Variants in TMPRSS11A observed in about 807,000 individuals in gnomAD.
The protein encoded by TMPRSS11A is transmembrane protease serine 11A.
In TMPRSS11A, 53 loss-of-function variants were observed where a neutral mutation model predicts 58.9. The observed-to-expected ratio is 0.90, with a 90% CI of 0.72 to 1.13. The LOEUF is 1.13. TMPRSS11A is among the 50% of genes most tolerant of loss of function. The probability of loss-of-function intolerance (pLI) is 0.00; values close to 1 mark genes in which losing one functional copy is unlikely to be tolerated. For synonymous variants in TMPRSS11A, 167 were observed against 169.8 expected (o/e 0.98, Z 0.13); for missense variants, 493 against 499.3 (o/e 0.99, Z 0.12).
intron 1 of TMPRSS11A, among the ~76,000 whole-genome samples, chr4:67,960,370 T>C (rs1235505036): frequency 6.6e-6 from 1 of 152,188 alleles, no homozygotes; most frequent in Non-Finnish European, 1.5e-5. Flanking sequence ...CAAGTTACCC[T>C]ATTCGTTAAA....
Position 67,944,573 on chromosome 4 carries a change from G to A in TMPRSS11A, c.198C>T (p.Phe66=), listed in dbSNP as rs572862011. 15 of 1,612,768 alleles carry A rather than the reference G, an allele frequency of 9.3e-6. No homozygotes were observed. Among genetic ancestry groups the A allele is most frequent in the African/African-American group, 5.3e-5 (4 of 74,976 alleles). Residue 66 remains phenylalanine, a synonymous_variant, in exon 3 of 10, where the codon TTC becomes TTT. Coordinates refer to ENST00000508048, the MANE Select transcript of TMPRSS11A (RefSeq NM_001114387.2). ...TAAGTTGATATGTGTTGCTTTGTCC[G>A]AAATTGTTATTGATTTGTGGATCTA... ...KILDPQINNN[F]GQSNTYQLKD... is the part of the protein sequence containing the mutation.
chr4:67,911,278 A>G lies in TMPRSS11A; in HGVS notation c.*64T>C. On this transcript the variant is annotated 3_prime_UTR_variant, in exon 10 of 10. Coordinates refer to ENST00000508048, the MANE Select transcript of TMPRSS11A (RefSeq NM_001114387.2). ...CACTTTGTTGTACTACACCCACTAAATAGTTGAATTCTCATGCATATATGA... is the reference window on the plus strand; with the variant it reads ...CACTTTGTTGTACTACACCCACTAAGTAGTTGAATTCTCATGCATATATGA... 1 of 1,466,582 alleles carries G rather than the reference A, an allele frequency of 6.8e-7. No homozygotes were observed. The highest frequency in any genetic ancestry group is 9.4e-7 in the Non-Finnish European group (1 of 1,063,664). 90.8% of individuals were successfully genotyped at this position (1,466,582 alleles called of 1,614,324 possible).
intron 2 of TMPRSS11A, 55 bp from the exon 3 acceptor site, chr4:67,944,692 C>T: frequency 1.3e-6 from 2 of 1,513,654 alleles, no homozygotes; most frequent in Non-Finnish European, 9.0e-7. Flanking sequence ...GATTTCAGAA[C>T]TCAATTACAA....
chr4:67,914,494 T>C (rs1720092425), intron 9 of TMPRSS11A, 94 bp downstream of exon 9: 2 of 1,159,276 alleles, frequency 1.7e-6, no homozygotes, highest in Non-Finnish European at 2.5e-6. Flanking sequence ...TGACATGATA[T>C]CTATGTTTTG....
intron 3 of TMPRSS11A, among the ~76,000 whole-genome samples, chr4:67,932,771 T>G (rs1042684349): frequency 7.9e-5 from 12 of 152,216 alleles, no homozygotes; most frequent in African/African-American, 2.9e-4. Context: ...AATTGTGGAC[T>G]CTAGGGTAAA....
chr4:67,957,775 G>A (rs1721322776), intron 1 of TMPRSS11A, among the ~76,000 whole-genome samples: 1 of 152,164 alleles, frequency 6.6e-6, no homozygotes, highest in Non-Finnish European at 1.5e-5. Flanking sequence ...TGTCTCCAGG[G>A]CATGTCAGAG....
At chr4:67,920,550 T>TA (rs374550125) in intron 7 of TMPRSS11A, among the ~76,000 whole-genome samples, 591 of 58,490 alleles carry the variant, frequency 0.01, 3 homozygotes, top group African/African-American at 0.018. Context: ...TATATATATA[T>TA]TTTTTTTTAT....
rs762250264 is a variant in TMPRSS11A, at chr4:67,932,047, A to G, written c.266T>C (p.Phe89Ser). ...ATTTTTCTTCCAGGCTGAATCTATA[A>G]ATATCTCATCCACCTGTTACACAAC... is the stretch of plus-strand genomic sequence containing the variant. The part of the protein sequence containing the change: ...ETTENLVDEI[F>S]IDSAWKKNYI... The change falls in exon 4 of 10, where the codon TTT becomes TCT. Residue 89 changes from phenylalanine (F) to serine (S), a missense_variant. Physicochemically the swap from Phe to Ser is radical, Grantham distance 155 (BLOSUM62 -2). Transcript: ENST00000508048. The G allele has an allele frequency of 6.3e-7, 1 of 1,578,120 alleles. No homozygotes were observed. Among genetic ancestry groups the G allele is most frequent in the Non-Finnish European group, 8.7e-7 (1 of 1,147,644 alleles).
intron 4 of TMPRSS11A, among the ~76,000 whole-genome samples, chr4:67,930,831 C>CAAA (rs1165212348): frequency 1.2e-4 from 9 of 74,752 alleles, no homozygotes; most frequent in East Asian, 7.5e-4. Context: ...TTTTTTTTTA[C>CAAA]AAAAAAAAAA....
At chr4:67,952,403 G>T (rs898525565) in intron 1 of TMPRSS11A, among the ~76,000 whole-genome samples, 1 of 152,162 alleles carries the variant, frequency 6.6e-6, no homozygotes, top group Non-Finnish European at 1.5e-5. Flanking sequence ...AGCATAAAAG[G>T]TAAGTGAAAG....
In TMPRSS11A at chr4:67,919,093, C is replaced by T. The variant is rs748396646; in HGVS notation, c.832G>A (p.Val278Ile). The T allele has an allele frequency of 6.2e-7, 1 of 1,614,162 alleles. No individual in the cohort carries two copies. Among genetic ancestry groups the T allele is most frequent in the Non-Finnish European group, 8.5e-7 (1 of 1,180,020 alleles). Residue 278 changes from valine (V) to isoleucine (I), a missense_variant, in exon 8 of 10, where the codon GTC becomes ATC. Physicochemically the swap from Val to Ile is conservative, Grantham distance 29. Transcript: ENST00000508048. Reference protein sequence around the residue: ...AREYDIAVVQVSSRVTFSDDI... With the variant: ...AREYDIAVVQISSRVTFSDDI... The stretch of plus-strand genomic sequence containing the variant: ...TCCGAAAAGGTGACTCTGGAAGAGA[C>T]CTGCACAACAGCAATGTCGTACTCT...
At chr4:67,954,129 T>C (rs1173394993) in intron 1 of TMPRSS11A, among the ~76,000 whole-genome samples, 1 of 152,142 alleles carries the variant, frequency 6.6e-6, no homozygotes, top group Non-Finnish European at 1.5e-5. Flanking sequence ...AGAAAATACT[T>C]CATTTCCTCA....
chr4:67,934,216 G>A (rs903106408), intron 3 of TMPRSS11A, among the ~76,000 whole-genome samples: 3 of 152,140 alleles, frequency 2.0e-5, no homozygotes, highest in Non-Finnish European at 2.9e-5. Context: ...TGAGGACAAC[G>A]CTTTGAGAAA....
intron 3 of TMPRSS11A, among the ~76,000 whole-genome samples, chr4:67,935,711 A>T (rs1449282618): frequency 6.6e-6 from 1 of 152,192 alleles, no homozygotes; most frequent in Admixed American, 6.5e-5. Flanking sequence ...GAATTTATTT[A>T]TCAGAAAGTT....
At chr4:67,960,488 A>C (rs979451380) in intron 1 of TMPRSS11A, among the ~76,000 whole-genome samples, 35 of 152,166 alleles carry the variant, frequency 2.3e-4, no homozygotes, top group African/African-American at 8.0e-4. Context: ...ATATTACCTA[A>C]GTCATAGGAT....
chr4:67,911,587 T>C (rs1719982518), intron 9 of TMPRSS11A, 84 bp from the exon 10 acceptor site: 3 of 1,120,162 alleles, frequency 2.7e-6, no homozygotes, highest in Non-Finnish European at 3.8e-6. Flanking sequence ...GAATCACATA[T>C]TTTGTTACTA....
chr4:67,938,410 A>T (rs1247620188), intron 3 of TMPRSS11A, among the ~76,000 whole-genome samples: 2 of 152,126 alleles, frequency 1.3e-5, no homozygotes, highest in East Asian at 3.9e-4. Flanking sequence ...CTTTAGTTTA[A>T]TTAGGTCCAA....
rs143889661 is a variant in TMPRSS11A, at chr4:67,936,844, C to T, written c.253-4784G>A. Among the ~76,000 whole-genome samples the T allele has an allele frequency of 2.0e-3, 312 of 152,244 alleles. 4 individuals carry two copies. Among genetic ancestry groups the T allele is most frequent in the African/African-American group, 7.2e-3 (298 of 41,542 alleles). ...TTTTAAAGAAAAAAGTATTAATTCT[C>T]AGTGTACAACAAAAACCTAGATCTT... On this transcript the variant is annotated intron_variant, in intron 3 of 9. Coordinates refer to ENST00000508048, the MANE Select transcript of TMPRSS11A (RefSeq NM_001114387.2).
intron 5 of TMPRSS11A, among the ~76,000 whole-genome samples, chr4:67,929,005 G>A (rs1396436413): frequency 6.6e-6 from 1 of 152,154 alleles, no homozygotes; most frequent in African/African-American, 2.4e-5. Flanking sequence ...GACACTATAA[G>A]GAAGAATTTC....
Sources: allele counts gnomAD v4.1 joint callset (sites outside exome capture counted in the v4.1 genomes callset), GRCh38; gene constraint gnomAD v4.1.1; transcripts MANE v1.5; gene names NCBI Gene and HGNC (gene_info 2026-07-23, HGNC 2026-07-21).